The following TF variants were observed in gnomAD, a reference collection of about 807,000 sequenced individuals.
The protein encoded by TF is serotransferrin.
A neutral mutation model predicts 82.4 loss-of-function variants in TF; 55 were observed. The observed-to-expected ratio is 0.67, with a 90% CI of 0.54 to 0.84. The LOEUF is 0.84. TF is among the 40% of genes least tolerant of loss of function. The pLI is 0.00. For missense variants in TF, 737 were observed against 868.4 expected (o/e 0.85, Z 1.90); for synonymous variants, 332 against 332.6 (o/e 1.00, Z 0.02).
intron 15 of TF, among the ~76,000 whole-genome samples, chr3:133,776,548 T>A (rs1036791971): frequency 6.6e-6 from 1 of 152,244 alleles, no homozygotes; most frequent in Non-Finnish European, 1.5e-5. Context: ...TTTGCAGTCA[T>A]CATTTCACTT....
chr3:133,747,145 C>G (rs1201232405), intron 1 of TF: 1 of 154,672 alleles, frequency 6.5e-6, no homozygotes, highest in Non-Finnish European at 1.4e-5. Context: ...TAACTTCTGC[C>G]TGCCATTCAT....
intron 15 of TF, 103 bp downstream of exon 15, chr3:133,775,720 T>C (rs1934372742): frequency 1.2e-5 from 15 of 1,230,894 alleles, no homozygotes; most frequent in Admixed American, 5.4e-5. Context: ...CACTTTCTTT[T>C]TGAAAACTAG....
chr3:133,770,531 T>A lies in TF; in HGVS notation c.1646T>A (p.Val549Glu). 1 of 1,614,190 alleles carries A rather than the reference T, an allele frequency of 6.2e-7. No individual in the cohort carries two copies. Among genetic ancestry groups the A allele is most frequent in the Non-Finnish European group, 8.5e-7 (1 of 1,180,024 alleles). Reference protein sequence around the residue: ...AFRCLVEKGDVAFVKHQTVPQ... With the variant: ...AFRCLVEKGDEAFVKHQTVPQ... Reference sequence around the variant, plus strand: ...AGGTGTCTGGTTGAGAAGGGAGATGTGGCCTTTGTGAAACACCAGACTGTC... The same window carrying A: ...AGGTGTCTGGTTGAGAAGGGAGATGAGGCCTTTGTGAAACACCAGACTGTC... Residue 549 changes from valine (V) to glutamate (E), a missense_variant, in exon 14 of 17, where the codon GTG (valine) becomes GAG (glutamate). Coordinates refer to ENST00000402696, the MANE Select transcript of TF (RefSeq NM_001063.4).
the TF span, among the ~76,000 whole-genome samples, chr3:133,718,509 G>C: frequency 9.2e-5 from 14 of 152,276 alleles, no homozygotes; most frequent in African/African-American, 3.4e-4. Flanking sequence ...TGAATGTTGT[G>C]GGGTAGGGGG....
intron 9 of TF, among the ~76,000 whole-genome samples, chr3:133,763,414 A>T (rs1043240671): frequency 3.3e-5 from 5 of 152,154 alleles, no homozygotes; most frequent in African/African-American, 9.7e-5. Context: ...ATATTTTAAG[A>T]CTGATATCTA....
In TF at chr3:133,758,977, A is replaced by C. The variant is rs190085055; in HGVS notation, c.1049-198A>C. On this transcript the variant is annotated intron_variant, in intron 8 of 16. Coordinates refer to ENST00000402696, the MANE Select transcript of TF (RefSeq NM_001063.4). ...AAAGTTGGCTTCTCGGAAGACATAA[A>C]AAACTAAATTTAAATGAGAAGTCAA... is the stretch of plus-strand genomic sequence containing the variant. Among the ~76,000 whole-genome samples the C allele has an allele frequency of 4.1e-3, 620 of 152,334 alleles. 1 individual carries two copies. The highest frequency in any genetic ancestry group is 6.0e-3 in the Admixed American group (92 of 15,306).
rs529042505 is a variant in TF, at chr3:133,778,277, A to G, written c.2063-309A>G. 5.8e-4 allele frequency: 203 copies of G among 352,634 alleles called. 2 individuals carry two copies. Among genetic ancestry groups the G allele is most frequent in the Middle Eastern group, 2.9e-3 (3 of 1,024 alleles). The allele number at this position is 352,634 out of a possible 1,614,324, so 21.8% of individuals were successfully genotyped here. On this transcript the variant is annotated intron_variant, in intron 16 of 16. Coordinates refer to ENST00000402696, the MANE Select transcript of TF (RefSeq NM_001063.4). ...CACCTGCTTAAAGAGGTCAGGGAGG[A>G]CAGTCTTCCTGGGCGACTCCTGGCC...
intron 16 of TF, chr3:133,777,992 G>A (rs1934437268): frequency 6.3e-6 from 1 of 159,176 alleles, no homozygotes; most frequent in South Asian, 1.8e-4. Context: ...TTAAAATGCT[G>A]ATTCTCAGAG....
chr3:133,671,336 A>G, the TF span, among the ~76,000 whole-genome samples: 6 of 152,252 alleles, frequency 3.9e-5, no homozygotes, highest in African/African-American at 1.2e-4. Context: ...ATAAGAAATC[A>G]CAATAAAATT....
In TF at chr3:133,790,694, G is replaced by T. The variant is rs1934809924; in HGVS notation, c.*12074G>T. 6.6e-6 allele frequency: 1 copy of T among 152,202 alleles called. No homozygotes were observed. Among genetic ancestry groups the T allele is most frequent in the African/African-American group, 2.4e-5 (1 of 41,452 alleles). The allele number at this position is 152,202 out of a possible 1,614,324, so 9.4% of individuals were successfully genotyped here. A position where few individuals can be genotyped will look rare whatever the true frequency, so the allele number is the denominator to read the frequency against. On this transcript the variant is annotated 3_prime_UTR_variant, in exon 17 of 17. Coordinates refer to ENST00000402696, the MANE Select transcript of TF (RefSeq NM_001063.4). ...TTTACTATAGTTAAGCATGAAGCCGGATTTGGTGTGGAGCCAAATTTCACA... is the reference window on the plus strand; with the variant it reads ...TTTACTATAGTTAAGCATGAAGCCGTATTTGGTGTGGAGCCAAATTTCACA...
chr3:133,672,339 A>G, the TF span, among the ~76,000 whole-genome samples: 1 of 152,162 alleles, frequency 6.6e-6, no homozygotes, highest in African/African-American at 2.4e-5. Flanking sequence ...ATAAGAAAAG[A>G]AGTAACATAT....
chr3:133,730,575 T>G, the TF span, among the ~76,000 whole-genome samples: 10 of 152,342 alleles, frequency 6.6e-5, no homozygotes, highest in African/African-American at 2.2e-4. Flanking sequence ...TCAATGGCAC[T>G]GGGGAAGAGC....
chr3:133,738,380 G>GC, the TF span, among the ~76,000 whole-genome samples: 1 of 152,184 alleles, frequency 6.6e-6, no homozygotes, highest in East Asian at 1.9e-4. Flanking sequence ...AAAGCTGGAA[G>GC]CATTCCCTTT....
At chr3:133,673,216 A>G in the TF span, among the ~76,000 whole-genome samples, 1 of 152,242 alleles carries the variant, frequency 6.6e-6, no homozygotes, top group Non-Finnish European at 1.5e-5. Context: ...TAGCCAGTGC[A>G]GTAAGTCAAG....
At chr3:133,700,608 C>A in the TF span, among the ~76,000 whole-genome samples, 1 of 152,162 alleles carries the variant, frequency 6.6e-6, no homozygotes, top group Non-Finnish European at 1.5e-5. Flanking sequence ...TGAACTGCCC[C>A]ATGGGAACAC....
At chr3:133,664,233 C>T in the TF span, among the ~76,000 whole-genome samples, 9 of 152,176 alleles carry the variant, frequency 5.9e-5, no homozygotes, top group South Asian at 2.1e-4. Flanking sequence ...TTAGTATCCA[C>T]GGAGGATTGA....
the TF span, among the ~76,000 whole-genome samples, chr3:133,666,556 T>C: frequency 1.3e-5 from 2 of 152,186 alleles, no homozygotes; most frequent in African/African-American, 4.8e-5. Flanking sequence ...GTTTAAACTA[T>C]TGTCTTCAGT....
intron 9 of TF, chr3:133,761,878 C>G: frequency 6.3e-6 from 1 of 159,450 alleles, no homozygotes; most frequent in Non-Finnish European, 1.4e-5. Context: ...ACAAGACTGG[C>G]AGAAGTGAGA....
Position 133,784,681 on chromosome 3 carries a change from T to TG in TF, c.*6062dup, listed in dbSNP as rs2107943282. 1 of 152,152 alleles carries TG rather than the reference T, an allele frequency of 6.6e-6. No individual in the cohort carries two copies. The highest frequency in any genetic ancestry group is 6.5e-5 in the Admixed American group (1 of 15,278). The allele number at this position is 152,152 out of a possible 1,614,324, so 9.4% of individuals were successfully genotyped here. A position where few individuals can be genotyped will look rare whatever the true frequency, so the allele number is the denominator to read the frequency against. ...GAGACTCTAATAATGCCTGATGATCTGAGGTGGAACAGTTTCATCCTGAAA... is the reference window on the plus strand; with the variant it reads ...GAGACTCTAATAATGCCTGATGATCTGGAGGTGGAACAGTTTCATCCTGAAA... On this transcript the variant is annotated 3_prime_UTR_variant, in exon 17 of 17. Transcript: ENST00000402696.
Sources: gnomAD v4.1 joint callset for allele counts (sites outside exome capture counted in the v4.1 genomes callset) on GRCh38, gnomAD v4.1.1 for gene constraint, MANE v1.5 for transcripts, NCBI Gene and HGNC (gene_info 2026-07-23, HGNC 2026-07-21) for gene names.